The following AGPAT1 variants were observed in gnomAD, a reference collection of about 807,000 sequenced individuals.
AGPAT1 encodes the protein 1-acyl-sn-glycerol-3-phosphate acyltransferase alpha.
AGPAT1 carries 6 observed loss-of-function variants against 31.2 expected under a neutral mutation model. The ratio of observed to expected loss-of-function variants is 0.19; its 90% CI spans 0.11 to 0.38. The LOEUF is 0.38. Ranked by LOEUF, AGPAT1 falls within the 10% of genes least tolerant of loss-of-function variation. The pLI, the probability that AGPAT1 is intolerant of heterozygous loss-of-function variation, is 1.00. For missense variants in AGPAT1, 187 were observed against 377.8 expected, an observed-to-expected ratio of 0.49 and a Z score of 4.19; for synonymous variants, 139 against 154.0, an observed-to-expected ratio of 0.90 and a Z score of 0.72.
rs1208559618 is a variant in AGPAT1 at position 32,172,563 on chromosome 6, T to C, written c.-9-1058A>G. Among the ~76,000 whole-genome samples the C allele has an allele frequency of 2.0e-5, 3 of 152,194 alleles. No individual in the cohort carries two copies. The highest frequency in any genetic ancestry group is 7.2e-5 in the African/African-American group (3 of 41,442). ...TTATAGGAAATAGGCCCAGGGAGGCTAAATAACTTACCTGAGGTCATACAG... is the reference window on the plus strand; with the variant it reads ...TTATAGGAAATAGGCCCAGGGAGGCCAAATAACTTACCTGAGGTCATACAG... On this transcript the variant is annotated intron_variant, in intron 1 of 6. Coordinates refer to ENST00000375107, the MANE Select transcript of AGPAT1 (RefSeq NM_006411.4). This position sits in a 1 kb window ranked among gnomAD's most constrained non-coding sequence, Gnocchi z 4.3.
rs142618598 is a variant in AGPAT1 at position 32,170,959 on chromosome 6, G to A, written c.312C>T (p.His104=). The part of the protein sequence containing the change: ...PSQPYVVVSN[H]QSSLDLLGMM... Reference sequence around the variant, plus strand: ...CACCAAGCAGATCGAGAGAGCTCTGGTGGTTGGAGACAACAACATAGGGCT... The same window carrying A: ...CACCAAGCAGATCGAGAGAGCTCTGATGGTTGGAGACAACAACATAGGGCT... The change falls in exon 3 of 7, where the codon CAC becomes CAT. Residue 104 remains histidine, a synonymous_variant. Coordinates refer to ENST00000375107, the MANE Select transcript of AGPAT1 (RefSeq NM_006411.4). The surrounding 1 kb of genome is among the most constrained non-coding windows in gnomAD (Gnocchi z 7.7). 1.4e-4 allele frequency: 222 copies of A among 1,612,334 alleles called. No homozygotes were observed. The highest frequency in any genetic ancestry group is 1.7e-4 in the Non-Finnish European group (204 of 1,179,782).
Position 32,169,842 on chromosome 6 carries a change from G to A in AGPAT1, c.679+124C>T. ...AGTAAAGACTTATTGGCTGATGTGG[G>A]GTTAGACTAGATGACTGTGTAGACA... On this transcript the variant is annotated intron_variant, in intron 6 of 6. Coordinates refer to ENST00000375107, the MANE Select transcript of AGPAT1 (RefSeq NM_006411.4). The surrounding 1 kb of genome is among the most constrained non-coding windows in gnomAD (Gnocchi z 5.9). 1.1e-6 allele frequency: 1 copy of A among 882,236 alleles called. No homozygotes were observed. Among genetic ancestry groups the A allele is most frequent in the Non-Finnish European group, 1.8e-6 (1 of 556,730 alleles). The allele number at this position is 882,236 out of a possible 1,614,324, so 54.7% of individuals were successfully genotyped here.
In AGPAT1 at chr6:32,168,513, G is replaced by A. The variant is rs1784758900; in HGVS notation, c.*763C>T. 1 of 154,624 alleles carries A rather than the reference G, an allele frequency of 6.5e-6. No individual in the cohort carries two copies. The highest frequency in any genetic ancestry group is 1.4e-5 in the Non-Finnish European group (1 of 69,674). The allele number at this position is 154,624 out of a possible 1,614,324, so 9.6% of individuals were successfully genotyped here. ...GGCAGAAGTGAGTGCAGCACCTGATGTCTGCTTCTTCCCCTTGTGTCTGGT... is the reference window on the plus strand; with the variant it reads ...GGCAGAAGTGAGTGCAGCACCTGATATCTGCTTCTTCCCCTTGTGTCTGGT... On this transcript the variant is annotated 3_prime_UTR_variant, in exon 7 of 7. Transcript: ENST00000375107. This position sits in a 1 kb window ranked among gnomAD's most constrained non-coding sequence, Gnocchi z 4.5.
In AGPAT1 at chr6:32,169,599, G is replaced by A. The variant is rs1784873762; in HGVS notation, c.680-151C>T. The A allele has an allele frequency of 4.5e-6, 4 of 882,564 alleles. No individual in the cohort carries two copies. The South Asian group carries it at 6.7e-5, about 15-fold the overall frequency. 54.7% of individuals were successfully genotyped at this position (882,564 alleles called of 1,614,324 possible). A position where few individuals can be genotyped will look rare whatever the true frequency, so the allele number is the denominator to read the frequency against. Reference sequence around the variant, plus strand: ...CCTGGGCTTGCCAGCTGCCACTTCTGAGGCCCTTCTCCTATACAAAGCCTT... The same window carrying A: ...CCTGGGCTTGCCAGCTGCCACTTCTAAGGCCCTTCTCCTATACAAAGCCTT... On this transcript the variant is annotated intron_variant, in intron 6 of 6. Transcript: ENST00000375107. This position sits in a 1 kb window ranked among gnomAD's most constrained non-coding sequence, Gnocchi z 5.9.
chr6:32,176,250 C>T, upstream of AGPAT1: 1 of 704,652 alleles, frequency 1.4e-6, no homozygotes, highest in Non-Finnish European at 1.7e-6. Flanking sequence ...GGCTCTCCCT[C>T]GGTCTTTGCC....
upstream of AGPAT1, chr6:32,177,416 A>C: frequency 3.7e-6 from 1 of 267,072 alleles, no homozygotes; most frequent in Non-Finnish European, 7.0e-6. Flanking sequence ...CACCACTCAC[A>C]AAGGGGTTGA....
In AGPAT1 at chr6:32,171,681, GAGA is replaced by G. The variant is rs1785119520; in HGVS notation, c.-9-179_-9-177del. 2 of 800,546 alleles carry G rather than the reference GAGA, an allele frequency of 2.5e-6. No homozygotes were observed. The highest frequency in any genetic ancestry group is 3.9e-6 in the Non-Finnish European group (2 of 513,912). 49.6% of individuals were successfully genotyped at this position (800,546 alleles called of 1,614,324 possible). A position where few individuals can be genotyped will look rare whatever the true frequency, so the allele number is the denominator to read the frequency against. On this transcript the variant is annotated intron_variant, in intron 1 of 6. Coordinates refer to ENST00000375107, the MANE Select transcript of AGPAT1 (RefSeq NM_006411.4). This position sits in a 1 kb window ranked among gnomAD's most constrained non-coding sequence, Gnocchi z 6.9. Reference sequence around the variant, plus strand: ...AAGGCTCTCTAGGATGAGGGTGGTGGAGAAAGAGCTCAGGACTGCTCTCCCACC... The same window carrying G: ...AAGGCTCTCTAGGATGAGGGTGGTGGAAGAGCTCAGGACTGCTCTCCCACC...
At position 32,169,772 on chromosome 6, in the gene AGPAT1, G is replaced by C; in HGVS notation, c.679+194C>G. 1.6e-6 allele frequency: 1 copy of C among 627,714 alleles called. No homozygotes were observed. Among genetic ancestry groups the C allele is most frequent in the Non-Finnish European group, 2.8e-6 (1 of 356,392 alleles). The allele number at this position is 627,714 out of a possible 1,614,324, so 38.9% of individuals were successfully genotyped here. A position where few individuals can be genotyped will look rare whatever the true frequency, so the allele number is the denominator to read the frequency against. ...GTTAAGATTAGTAACAGCCTCTCTT[G>C]GTGGGACCAAGTGCTACCCATCTGG... On this transcript the variant is annotated intron_variant, in intron 6 of 6. Transcript: ENST00000375107. This position sits in a 1 kb window ranked among gnomAD's most constrained non-coding sequence, Gnocchi z 5.9.
rs370095568 is a variant in AGPAT1, at chr6:32,172,474, C to T, written c.-9-969G>A. Among the ~76,000 whole-genome samples the T allele has an allele frequency of 6.6e-6, 1 of 152,090 alleles. No homozygotes were observed. The highest frequency in any genetic ancestry group is 2.4e-5 in the African/African-American group (1 of 41,398). ...TTCTGTAGAACAGTACTGGTCTATACATTAAGTTAAACTCTTAAAATGATG... is the reference window on the plus strand; with the variant it reads ...TTCTGTAGAACAGTACTGGTCTATATATTAAGTTAAACTCTTAAAATGATG... On this transcript the variant is annotated intron_variant, in intron 1 of 6. Coordinates refer to ENST00000375107, the MANE Select transcript of AGPAT1 (RefSeq NM_006411.4). This position sits in a 1 kb window ranked among gnomAD's most constrained non-coding sequence, Gnocchi z 4.3.
In AGPAT1 at chr6:32,170,293, A is replaced by C; in HGVS notation, c.511-33T>G. The stretch of plus-strand genomic sequence containing the variant: ...AGAAAGAGGGTCAAAGAAGACAAAT[A>C]CATATGGAGGAGTCAGAATAGGTGT... On this transcript the variant is annotated intron_variant, in intron 4 of 6. Coordinates refer to ENST00000375107, the MANE Select transcript of AGPAT1 (RefSeq NM_006411.4). The surrounding 1 kb of genome is among the most constrained non-coding windows in gnomAD (Gnocchi z 7.7). The C allele has an allele frequency of 6.2e-7, 1 of 1,607,482 alleles. No individual in the cohort carries two copies. The highest frequency in any genetic ancestry group is 8.5e-7 in the Non-Finnish European group (1 of 1,176,028).
chr6:32,169,515 T>C lies in AGPAT1; in HGVS notation c.680-67A>G. 2 of 1,566,826 alleles carry C rather than the reference T, an allele frequency of 1.3e-6. No homozygotes were observed. The highest frequency in any genetic ancestry group is 1.7e-6 in the Non-Finnish European group (2 of 1,148,488). ...CTTTGCCCACAGGTGGGGCCCAGCT[T>C]CCGAGTGATACTCTTCCTCAACCTT... On this transcript the variant is annotated intron_variant, in intron 6 of 6. Transcript: ENST00000375107. The surrounding 1 kb of genome is among the most constrained non-coding windows in gnomAD (Gnocchi z 5.9).
rs549075781 is a variant in AGPAT1, at chr6:32,175,268, A to G, written c.-10+546T>C. On this transcript the variant is annotated intron_variant, in intron 1 of 6. Transcript: ENST00000375107. The surrounding 1 kb of genome is among the most constrained non-coding windows in gnomAD (Gnocchi z 4.5). The stretch of plus-strand genomic sequence containing the variant: ...CACCATTTCTACACAGCCTATGGAT[A>G]GCATTGGGACAACCTAGTTGCACAC... Among the ~76,000 whole-genome samples the G allele has an allele frequency of 6.6e-6, 1 of 152,350 alleles. No homozygotes were observed. The highest frequency in any genetic ancestry group is 1.5e-5 in the Non-Finnish European group (1 of 68,024).
In AGPAT1 at chr6:32,169,141, G is replaced by T; in HGVS notation, c.*135C>A. On this transcript the variant is annotated 3_prime_UTR_variant, in exon 7 of 7. Transcript: ENST00000375107. The surrounding 1 kb of genome is among the most constrained non-coding windows in gnomAD (Gnocchi z 5.9). ...TGTATCCACATTCACTTCAGAAGTT[G>T]AAGATTCCAAAGAGGAGAATAAGTG... 1.0e-6 allele frequency: 1 copy of T among 978,400 alleles called. No individual in the cohort carries two copies. The highest frequency in any genetic ancestry group is 1.6e-5 in the South Asian group (1 of 62,592). 60.6% of individuals were successfully genotyped at this position (978,400 alleles called of 1,614,324 possible).
In AGPAT1 at chr6:32,174,030, A is replaced by G. The variant is rs372547048; in HGVS notation, c.-10+1784T>C. Reference sequence around the variant, plus strand: ...GCTGGCTAGCAATCTGTATTTCAACAAGCCCTCTGGTGAGTCTGATGTGCG... The same window carrying G: ...GCTGGCTAGCAATCTGTATTTCAACGAGCCCTCTGGTGAGTCTGATGTGCG... On this transcript the variant is annotated intron_variant, in intron 1 of 6. Coordinates refer to ENST00000375107, the MANE Select transcript of AGPAT1 (RefSeq NM_006411.4). The surrounding 1 kb of genome is among the most constrained non-coding windows in gnomAD (Gnocchi z 4.5). Among the ~76,000 whole-genome samples the G allele has an allele frequency of 2.2e-4, 33 of 152,298 alleles. 1 individual carries two copies. In the East Asian group the frequency reaches 3.3e-3, roughly 15 times the overall value.
rs1784881312 is a variant in AGPAT1 at position 32,169,649 on chromosome 6, C to T, written c.680-201G>A. On this transcript the variant is annotated intron_variant, in intron 6 of 6. Transcript: ENST00000375107. This position sits in a 1 kb window ranked among gnomAD's most constrained non-coding sequence, Gnocchi z 5.9. ...TCTCCAATCCCCAGTTCAGACATCTCCTCAGCACCCCTCCAGCCCCCCTCC... is the reference window on the plus strand; with the variant it reads ...TCTCCAATCCCCAGTTCAGACATCTTCTCAGCACCCCTCCAGCCCCCCTCC... 1.1e-5 allele frequency: 7 copies of T among 656,434 alleles called. No individual in the cohort carries two copies. The South Asian group carries it at 1.4e-4, about 13-fold the overall frequency. The allele number at this position is 656,434 out of a possible 1,614,324, so 40.7% of individuals were successfully genotyped here.
rs1170194055 is a variant in AGPAT1 at position 32,168,922 on chromosome 6, G to C, written c.*354C>G. 3 of 315,868 alleles carry C rather than the reference G, an allele frequency of 9.5e-6. No homozygotes were observed. The highest frequency in any genetic ancestry group is 2.1e-5 in the African/African-American group (1 of 48,150). 19.6% of individuals were successfully genotyped at this position (315,868 alleles called of 1,614,324 possible). A position where few individuals can be genotyped will look rare whatever the true frequency, so the allele number is the denominator to read the frequency against. On this transcript the variant is annotated 3_prime_UTR_variant, in exon 7 of 7. Coordinates refer to ENST00000375107, the MANE Select transcript of AGPAT1 (RefSeq NM_006411.4). This position sits in a 1 kb window ranked among gnomAD's most constrained non-coding sequence, Gnocchi z 4.5. The stretch of plus-strand genomic sequence containing the variant: ...AGTCCACTGGCCAATGTGGGGTAGA[G>C]GGGTAGAGAAGACCACATAGGAAGA...
chr6:32,171,632 G>A lies in AGPAT1; in HGVS notation c.-9-127C>T, dbSNP rs1785115168. 1 of 1,315,404 alleles carries A rather than the reference G, an allele frequency of 7.6e-7. No homozygotes were observed. The highest frequency in any genetic ancestry group is 1.5e-5 in the African/African-American group (1 of 68,408). 81.5% of individuals were successfully genotyped at this position (1,315,404 alleles called of 1,614,324 possible). ...GGGCCTGAGACACAAACTGGGGCAG[G>A]GGTCTCATTGAAACCTTCCCAGGAA... On this transcript the variant is annotated intron_variant, in intron 1 of 6. Transcript: ENST00000375107. The surrounding 1 kb of genome is among the most constrained non-coding windows in gnomAD (Gnocchi z 6.9).
In AGPAT1 at chr6:32,169,928, C is replaced by T. The variant is rs748830229; in HGVS notation, c.679+38G>A. On this transcript the variant is annotated intron_variant, in intron 6 of 6. Transcript: ENST00000375107. The surrounding 1 kb of genome is among the most constrained non-coding windows in gnomAD (Gnocchi z 5.9). ...CACAGGGATGTCCTCCCAGCCTCTC[C>T]GGACACACCCTACCCCAGAACTGCT... 1.9e-5 allele frequency: 30 copies of T among 1,574,492 alleles called. No homozygotes were observed. Among genetic ancestry groups the T allele is most frequent in the South Asian group, 4.4e-5 (4 of 89,980 alleles).
chr6:32,168,345 TGA>T lies in AGPAT1; in HGVS notation c.*929_*930del, dbSNP rs1254118247. ...CCCAGTTGTGGGAACAGGTCTGGAGTGAGAGGCAGGGAGTGGCTAATGCCACC... is the reference window on the plus strand; with the variant it reads ...CCCAGTTGTGGGAACAGGTCTGGAGTGAGGCAGGGAGTGGCTAATGCCACC... On this transcript the variant is annotated 3_prime_UTR_variant, in exon 7 of 7. Transcript: ENST00000375107. This position sits in a 1 kb window ranked among gnomAD's most constrained non-coding sequence, Gnocchi z 4.5. The T allele has an allele frequency of 9.7e-6, 2 of 205,508 alleles. No homozygotes were observed. The highest frequency in any genetic ancestry group is 2.3e-5 in the African/African-American group (1 of 43,388). 12.7% of individuals were successfully genotyped at this position (205,508 alleles called of 1,614,324 possible).
Sources: gnomAD v4.1 joint callset for allele counts (sites outside exome capture counted in the v4.1 genomes callset) on GRCh38, gnomAD v4.1.1 for gene constraint, Gnocchi (gnomAD v3.1) non-coding constraint, MANE v1.5 for transcripts, NCBI Gene and HGNC (gene_info 2026-07-23, HGNC 2026-07-21) for gene names.